ACOT7: variants seen among roughly 807,000 people sequenced by gnomAD.
ACOT7 encodes acyl-CoA thioesterase 7, also known as cytosolic acyl coenzyme A thioester hydrolase.
A neutral mutation model predicts 40.2 loss-of-function variants in ACOT7; 12 were observed. The observed-to-expected ratio is 0.30, with a 90% CI of 0.19 to 0.48. ACOT7 has a LOEUF of 0.48. ACOT7 is among the 20% of genes least tolerant of loss of function. The probability of loss-of-function intolerance (pLI) is 0.99; values close to 1 mark genes in which losing one functional copy is unlikely to be tolerated. For synonymous variants in ACOT7, 228 were observed against 219.5 expected (o/e 1.04, Z -0.34); for missense variants, 395 against 530.8 (o/e 0.74, Z 2.51).
At chr1:6,388,400 C>A (rs1237428748) in intron 1 of ACOT7, among the ~76,000 whole-genome samples, 4 of 151,788 alleles carry the variant, frequency 2.6e-5, no homozygotes, top group Non-Finnish European at 5.9e-5. Context: ...TGAGCCACAG[C>A]GCCTGGCCAG....
chr1:6,325,696 A>G (rs1349361382), intron 5 of ACOT7, among the ~76,000 whole-genome samples: 1 of 152,186 alleles, frequency 6.6e-6, no homozygotes, highest in African/African-American at 2.4e-5. Flanking sequence ...TCAAGCCTCA[A>G]GTTGACCCGC....
chr1:6,291,460 G>C (rs1357635674), intron 7 of ACOT7, among the ~76,000 whole-genome samples: 1 of 152,194 alleles, frequency 6.6e-6, no homozygotes, highest in Non-Finnish European at 1.5e-5. Context: ...TGGCCCTGCT[G>C]ACGCCTTGAT....
chr1:6,334,273 C>T (rs1021606481), intron 3 of ACOT7, among the ~76,000 whole-genome samples: 3 of 152,260 alleles, frequency 2.0e-5, no homozygotes, highest in African/African-American at 7.2e-5. Context: ...GGGAACTTGA[C>T]GTCCTGATGC....
chr1:6,378,249 G>A (rs1019066335), intron 1 of ACOT7, among the ~76,000 whole-genome samples: 5 of 141,124 alleles, frequency 3.5e-5, no homozygotes, highest in African/African-American at 5.0e-5. Flanking sequence ...GGGAGGGAGG[G>A]AGGGGCAGTG....
intron 8 of ACOT7, among the ~76,000 whole-genome samples, chr1:6,267,853 C>A (rs142578432): frequency 6.6e-6 from 1 of 152,192 alleles, no homozygotes. Flanking sequence ...GGGTGTGAAT[C>A]CTGATTCACC....
rs557591029 is a variant in ACOT7 at position 6,324,800 on chromosome 1, G to A, written c.625+2499C>T. Among the ~76,000 whole-genome samples, 5 of 152,334 alleles carry A rather than the reference G, an allele frequency of 3.3e-5. No homozygotes were observed. In the East Asian group the frequency reaches 9.7e-4, roughly 29 times the overall value. ...ATTTGGGGCCCACCTGCATAACCCA[G>A]ATGATCTCAAGATCCTTAATTTAAC... On this transcript the variant is annotated intron_variant, in intron 5 of 8. Coordinates refer to ENST00000361521, the MANE Select transcript of ACOT7 (RefSeq NM_007274.4).
At chr1:6,298,520 A>G (rs369565255) in intron 6 of ACOT7, among the ~76,000 whole-genome samples, 2 of 152,338 alleles carry the variant, frequency 1.3e-5, no homozygotes, top group South Asian at 2.1e-4. Context: ...CTGAAGAAAG[A>G]GTGCAGGTGA....
intron 1 of ACOT7, among the ~76,000 whole-genome samples, chr1:6,363,836 CTT>C (rs1284425541): frequency 3.5e-4 from 53 of 152,294 alleles, no homozygotes; most frequent in Non-Finnish European, 5.9e-4. Flanking sequence ...TCTTTTATCT[CTT>C]TGTCTTGTGT....
At chr1:6,369,406 T>TA (rs1553162166) in intron 1 of ACOT7, among the ~76,000 whole-genome samples, 2 of 140,666 alleles carry the variant, frequency 1.4e-5, no homozygotes, top group Non-Finnish European at 3.1e-5. Flanking sequence ...TTCTTTTTTT[T>TA]TTTTTTTTTT....
At chr1:6,305,683 G>C (rs1331600748) in intron 6 of ACOT7, among the ~76,000 whole-genome samples, 7 of 151,728 alleles carry the variant, frequency 4.6e-5, no homozygotes, top group African/African-American at 1.7e-4. Flanking sequence ...CGGCCGGGCA[G>C]AGACGCTCCT....
At chr1:6,272,404 G>GGGTCTCAT (rs1297157540) in intron 8 of ACOT7, among the ~76,000 whole-genome samples, 1 of 152,242 alleles carries the variant, frequency 6.6e-6, no homozygotes, top group East Asian at 1.9e-4. Context: ...AGACCATGGA[G>GGGTCTCAT]GGTCTGAACA....
chr1:6,368,732 G>A (rs1197213918), intron 1 of ACOT7, among the ~76,000 whole-genome samples: 1 of 152,222 alleles, frequency 6.6e-6, no homozygotes, highest in Non-Finnish European at 1.5e-5. Context: ...CCTGGGAGCA[G>A]GTCCTGCCTG....
intron 3 of ACOT7, among the ~76,000 whole-genome samples, chr1:6,337,617 C>T (rs1175295251): frequency 6.6e-6 from 1 of 152,134 alleles, no homozygotes; most frequent in Non-Finnish European, 1.5e-5. Context: ...GTGGGGACAG[C>T]GGGTCCCAGC....
At position 6,306,181 on chromosome 1, in the gene ACOT7, A is replaced by G; in HGVS notation, c.713-11201T>C. The G allele has an allele frequency of 1.1e-6, 1 of 890,550 alleles. No homozygotes were observed. Among genetic ancestry groups the G allele is most frequent in the Non-Finnish European group, 1.3e-6 (1 of 763,402 alleles). The allele number at this position is 890,550 out of a possible 1,614,324, so 55.2% of individuals were successfully genotyped here. A position where few individuals can be genotyped will look rare whatever the true frequency, so the allele number is the denominator to read the frequency against. On this transcript the variant is annotated intron_variant, in intron 6 of 8. Transcript: ENST00000361521. This position sits in a 1 kb window ranked among gnomAD's most constrained non-coding sequence, Gnocchi z 4.3. ...CTCGGCATCAGAGGGAGACCGTGGC[A>G]AGAGAGGGAGAGGGAGACCGTGGGG...
chr1:6,354,292 G>A lies in ACOT7; in HGVS notation c.144-4426C>T, dbSNP rs1199688193. Among the ~76,000 whole-genome samples, 4 of 152,288 alleles carry A rather than the reference G, an allele frequency of 2.6e-5. No individual in the cohort carries two copies. In the East Asian group the frequency reaches 7.7e-4, roughly 29 times the overall value. ...TAATCTCTGGGAAAGCTTCCCAGAG[G>A]AAGTGACACCTTGGCCAAGTCCTGA... On this transcript the variant is annotated intron_variant, in intron 1 of 8. Transcript: ENST00000361521.
intron 1 of ACOT7, among the ~76,000 whole-genome samples, chr1:6,364,871 A>T (rs12734110): frequency 2.0e-4 from 30 of 146,846 alleles, no homozygotes; most frequent in Non-Finnish European, 3.8e-4. Context: ...AAAAAAAAAA[A>T]AATTAGCCAG....
At chr1:6,308,395 A>G (rs949709709) in intron 6 of ACOT7, among the ~76,000 whole-genome samples, 4 of 150,820 alleles carry the variant, frequency 2.7e-5, no homozygotes, top group East Asian at 4.0e-4. Context: ...GAGAACTACA[A>G]CCGGGCAGAG....
rs1202836284 is a variant in ACOT7 at position 6,358,427 on chromosome 1, A to C, written c.144-8561T>G. ...TGTGCAGCCCACAGACCCCCCCTCC[A>C]CCGCAGGTAGGAAGCTCAGCAGCGC... On this transcript the variant is annotated intron_variant, in intron 1 of 8. Coordinates refer to ENST00000361521, the MANE Select transcript of ACOT7 (RefSeq NM_007274.4). This position sits in a 1 kb window ranked among gnomAD's most constrained non-coding sequence, Gnocchi z 4.1. Among the ~76,000 whole-genome samples, 2 of 152,140 alleles carry C rather than the reference A, an allele frequency of 1.3e-5. No homozygotes were observed. Among genetic ancestry groups the C allele is most frequent in the African/African-American group, 4.8e-5 (2 of 41,432 alleles).
In ACOT7 at chr1:6,330,083, GCGTGTT is replaced by G. The variant is rs1448957405; in HGVS notation, c.511-2676_511-2671del. Among the ~76,000 whole-genome samples, 4 of 152,218 alleles carry G rather than the reference GCGTGTT, an allele frequency of 2.6e-5. No homozygotes were observed. The highest frequency in any genetic ancestry group is 9.6e-5 in the African/African-American group (4 of 41,462). ...GTGTGTGTGGTGTGTGTGTGTGTGT[GCGTGTT>G]CAAGATATCTACATGCATACGTATG... On this transcript the variant is annotated intron_variant, in intron 4 of 8. Transcript: ENST00000361521. This position sits in a 1 kb window ranked among gnomAD's most constrained non-coding sequence, Gnocchi z 4.6.
Sources: gnomAD v4.1 joint callset for allele counts (sites outside exome capture counted in the v4.1 genomes callset) on GRCh38, gnomAD v4.1.1 for gene constraint, Gnocchi (gnomAD v3.1) non-coding constraint, MANE v1.5 for transcripts, NCBI Gene and HGNC (gene_info 2026-07-23, HGNC 2026-07-21) for gene names.